Variants in VDAC1 observed in about 807,000 individuals in gnomAD.
The protein encoded by VDAC1 is non-selective voltage-gated ion channel VDAC1.
A neutral mutation model predicts 34.7 loss-of-function variants in VDAC1; 10 were observed. The observed-to-expected ratio is 0.29, with a 90% CI of 0.18 to 0.49. VDAC1 has a LOEUF of 0.49. VDAC1 is among the 20% of genes least tolerant of loss of function. The probability of loss-of-function intolerance (pLI) is 0.99; values close to 1 mark genes in which losing one functional copy is unlikely to be tolerated. For missense variants in VDAC1, 230 were observed against 347.9 expected, an observed-to-expected ratio of 0.66 and a Z score of 2.69; for synonymous variants, 130 against 136.0, an observed-to-expected ratio of 0.96 and a Z score of 0.30.
the VDAC1 span, among the ~76,000 whole-genome samples, chr5:134,083,196 T>C: frequency 6.6e-6 from 1 of 150,954 alleles, no homozygotes; most frequent in Non-Finnish European, 1.5e-5. Flanking sequence ...TTTTCTTTTT[T>C]TTTTTTTTTT....
chr5:133,979,424 CTTTTTTTTT>C (rs71581380), intron 6 of VDAC1, among the ~76,000 whole-genome samples: 31 of 80,998 alleles, frequency 3.8e-4, no homozygotes, highest in Non-Finnish European at 4.6e-4. Flanking sequence ...ATTTTCTTTG[CTTTTTTTTT>C]TTTTTTTTTT....
chr5:134,029,365 G>C, the VDAC1 span, among the ~76,000 whole-genome samples: 4 of 152,198 alleles, frequency 2.6e-5, no homozygotes, highest in South Asian at 8.3e-4. Context: ...ACTGCACTTT[G>C]GGGTAATTTA....
chr5:133,981,656 G>A (rs62379238), intron 5 of VDAC1, among the ~76,000 whole-genome samples: 1,784 of 152,222 alleles, frequency 0.012, 16 homozygotes, highest in Middle Eastern at 0.041. Flanking sequence ...CTCTACTGCC[G>A]GTTCCTCAAG....
rs754858524 is a variant in VDAC1 at position 133,991,090 on chromosome 5, T to G, written c.182A>C (p.Lys61Thr). The part of the protein sequence containing the change: ...TTKVTGSLET[K>T]YRWTEYGLTF... ...CAGGCCGTACTCAGTCCATCTGTAC[T>G]TGGTTTCCAGACTGCCCGTCACTTT... Residue 61 changes from lysine to threonine, a missense_variant, in exon 4 of 9, where the codon AAG becomes ACG. Physicochemically the swap from Lys to Thr is moderately conservative, Grantham distance 78. Transcript: ENST00000265333. 6.2e-7 allele frequency: 1 copy of G among 1,614,076 alleles called. No homozygotes were observed. The highest frequency in any genetic ancestry group is 1.7e-5 in the Admixed American group (1 of 60,026).
chr5:134,019,200 A>G, the VDAC1 span, among the ~76,000 whole-genome samples: 1 of 152,290 alleles, frequency 6.6e-6, no homozygotes, highest in East Asian at 1.9e-4. Flanking sequence ...AAAAAACCCT[A>G]CAAGTAGACA....
chr5:134,022,564 G>A, the VDAC1 span, among the ~76,000 whole-genome samples: 8 of 152,058 alleles, frequency 5.3e-5, no homozygotes, highest in African/African-American at 1.2e-4. Context: ...TGACCTAATC[G>A]TCTCTTAAGA....
intron 1 of VDAC1, among the ~76,000 whole-genome samples, chr5:133,996,114 G>A (rs1753293944): frequency 6.6e-6 from 1 of 152,258 alleles, no homozygotes; most frequent in Admixed American, 6.5e-5. Flanking sequence ...AGAAGTCAGA[G>A]GGCGTCCTGG....
the VDAC1 span, among the ~76,000 whole-genome samples, chr5:134,080,387 G>A: frequency 6.6e-6 from 1 of 151,474 alleles, no homozygotes; most frequent in South Asian, 2.1e-4. Context: ...TGCATTGCGT[G>A]AACTCCCTGT....
At chr5:134,066,820 A>C in the VDAC1 span, among the ~76,000 whole-genome samples, 1 of 152,216 alleles carries the variant, frequency 6.6e-6, no homozygotes, top group South Asian at 2.1e-4. Context: ...TAATGGCAAC[A>C]CAGAAATTGC....
the VDAC1 span, among the ~76,000 whole-genome samples, chr5:134,108,630 G>A: frequency 1.3e-5 from 2 of 152,142 alleles, no homozygotes; most frequent in African/African-American, 4.8e-5. Flanking sequence ...CATATACTGG[G>A]AGGTAGTCTA....
the VDAC1 span, among the ~76,000 whole-genome samples, chr5:134,109,241 T>TA: frequency 2.0e-5 from 3 of 152,172 alleles, no homozygotes; most frequent in Non-Finnish European, 4.4e-5. Context: ...AGCCCTGTCT[T>TA]AAAAAGCGAT....
the VDAC1 span, among the ~76,000 whole-genome samples, chr5:134,047,409 G>A: frequency 2.6e-5 from 4 of 152,080 alleles, no homozygotes; most frequent in East Asian, 1.9e-4. Context: ...GATGGTTCCC[G>A]AAGGACTGGA....
chr5:134,042,829 T>C, the VDAC1 span, among the ~76,000 whole-genome samples: 1 of 152,196 alleles, frequency 6.6e-6, no homozygotes, highest in Non-Finnish European at 1.5e-5. Context: ...CCATCTTACC[T>C]GCCTGTTGAA....
At chr5:134,017,165 A>G in the VDAC1 span, among the ~76,000 whole-genome samples, 1 of 152,118 alleles carries the variant, frequency 6.6e-6, no homozygotes, top group Non-Finnish European at 1.5e-5. Flanking sequence ...CATAGCTTGT[A>G]GCAATTTATA....
At chr5:133,991,187 C>T in intron 3 of VDAC1, 33 bp from the exon 4 acceptor site, 3 of 1,603,856 alleles carry the variant, frequency 1.9e-6, no homozygotes, top group South Asian at 1.1e-5. Context: ...ACAGCCTGCA[C>T]CATAGCACTC....
At chr5:134,099,187 T>C in the VDAC1 span, among the ~76,000 whole-genome samples, 4 of 152,144 alleles carry the variant, frequency 2.6e-5, no homozygotes, top group African/African-American at 9.7e-5. Context: ...CACAGACTCT[T>C]AAAAGTAGGG....
At chr5:134,089,666 A>G in the VDAC1 span, among the ~76,000 whole-genome samples, 9 of 145,800 alleles carry the variant, frequency 6.2e-5, no homozygotes, top group East Asian at 1.6e-3. Flanking sequence ...AATGTGGCTC[A>G]TGGCCGGGTG....
chr5:133,992,959 G>A lies in VDAC1; in HGVS notation c.54C>T (p.Phe18=), dbSNP rs201652905. 8.7e-6 allele frequency: 14 copies of A among 1,613,714 alleles called. No homozygotes were observed. The East Asian group carries it at 2.7e-4, about 31-fold the overall frequency. The change falls in exon 2 of 9, where the codon TTC becomes TTT. Residue 18 remains phenylalanine, a synonymous_variant. Transcript: ENST00000265333. ...ADLGKSARDV[F]TKGYGFGLIK... ...TGCAACACTCACCATAGCCCTTGGTGAAGACATCCCTGGCAGATTTGCCAA... is the reference window on the plus strand; with the variant it reads ...TGCAACACTCACCATAGCCCTTGGTAAAGACATCCCTGGCAGATTTGCCAA...
the VDAC1 span, among the ~76,000 whole-genome samples, chr5:134,096,666 C>T: frequency 3.3e-5 from 5 of 151,968 alleles, no homozygotes; most frequent in African/African-American, 9.7e-5. Context: ...AGTGCAGTGG[C>T]GTGATCAACC....
Sources: allele counts gnomAD v4.1 joint callset (sites outside exome capture counted in the v4.1 genomes callset), GRCh38; gene constraint gnomAD v4.1.1; transcripts MANE v1.5; gene names NCBI Gene and HGNC (gene_info 2026-07-23, HGNC 2026-07-21).